PKD1: variants seen among roughly 807,000 people sequenced by gnomAD.
PKD1 encodes polycystin 1, transient receptor potential channel interacting.
Under a neutral mutation model 361.7 loss-of-function variants are expected in PKD1, and 81 were observed. That is an observed-to-expected ratio of 0.22 (90% confidence interval 0.19 to 0.27). The LOEUF (loss-of-function observed/expected upper bound fraction) is 0.27. Ranked by LOEUF, PKD1 falls within the 10% of genes least tolerant of loss-of-function variation. The pLI, the probability that PKD1 is intolerant of heterozygous loss-of-function variation, is 1.00. For synonymous variants in PKD1, 3,615 were observed against 2,818.3 expected (o/e 1.28, Z -8.95); for missense variants, 6,399 against 6,118.3 (o/e 1.05, Z -1.53).
At chr16:2,102,332 A>G in intron 25 of PKD1, 49 bp downstream of exon 25, 2 of 1,532,228 alleles carry the variant, frequency 1.3e-6, no homozygotes. Context: ...GAGCCCACCC[A>G]GGCCCTCCTC....
intron 42 of PKD1, 63 bp downstream of exon 42, chr16:2,091,360 G>T: frequency 2.3e-6 from 2 of 862,498 alleles, no homozygotes; most frequent in Non-Finnish European, 2.8e-6. Flanking sequence ...CCGGGGCGGG[G>T]CCCCGCGAGG....
Position 2,108,393 on chromosome 16 carries a change from G to A in PKD1, c.6774C>T (p.Pro2258=), listed in dbSNP as rs746119473. ...CGCGGTATGAGCCACCCTCAATGAT[G>A]GGCACCAGGCGCTCGGGGGCCACCG... ...NVTVAPERLV[P]IIEGGSYRVW... Residue 2258 remains proline (P), a synonymous_variant, in exon 15 of 46, where the codon CCC becomes CCT. Coordinates refer to ENST00000262304, the MANE Select transcript of PKD1 (RefSeq NM_001009944.3). 1.1e-5 allele frequency: 18 copies of A among 1,610,554 alleles called. No individual in the cohort carries two copies. Among genetic ancestry groups the A allele is most frequent in the Non-Finnish European group, 1.5e-5 (18 of 1,179,736 alleles).
chr16:2,090,648 C>G, intron 44 of PKD1, 26 bp downstream of exon 44: 3 of 1,610,532 alleles, frequency 1.9e-6, no homozygotes, highest in Non-Finnish European at 2.5e-6. Flanking sequence ...AGCTAAGACG[C>G]CCTCCCCGGC....
chr16:2,109,986 C>T lies in PKD1; in HGVS notation c.5181G>A (p.Pro1727=), dbSNP rs767210914. Reference sequence around the variant, plus strand: ...CGCTTGTGTTGACGGCAGCTGGGTTCGGGGAGGCGGCCACCATCAGCCACC... The same window carrying T: ...CGCTTGTGTTGACGGCAGCTGGGTTTGGGGAGGCGGCCACCATCAGCCACC... ...PVGWLMVAAS[P]NPAAVNTSVT... is the part of the protein sequence containing the mutation. Residue 1727 remains proline (P), a synonymous_variant, in exon 15 of 46, where the codon CCG becomes CCA. Coordinates refer to ENST00000262304, the MANE Select transcript of PKD1 (RefSeq NM_001009944.3). 8.7e-6 allele frequency: 14 copies of T among 1,609,762 alleles called. No individual in the cohort carries two copies. The highest frequency in any genetic ancestry group is 4.0e-5 in the African/African-American group (3 of 74,842).
In PKD1 at chr16:2,114,153, G is replaced by C. The variant is rs1184096488; in HGVS notation, c.2853+17C>G. 2 of 1,599,748 alleles carry C rather than the reference G, an allele frequency of 1.3e-6. No homozygotes were observed. The highest frequency in any genetic ancestry group is 1.7e-6 in the Non-Finnish European group (2 of 1,178,112). ...CACCTGCCTGGGGGCTGGTGGTGGA[G>C]CCTCGGCCATACTCACCACTAGGAC... is the stretch of plus-strand genomic sequence containing the variant. On this transcript the variant is annotated intron_variant, in intron 11 of 45. Coordinates refer to ENST00000262304, the MANE Select transcript of PKD1 (RefSeq NM_001009944.3).
In PKD1 at chr16:2,108,670, C is replaced by A. The variant is rs754882717; in HGVS notation, c.6497G>T (p.Arg2166Leu). Residue 2166 changes from arginine to leucine, a missense_variant, in exon 15 of 46, where the codon CGC (arginine) becomes CTC (leucine). Coordinates refer to ENST00000262304, the MANE Select transcript of PKD1 (RefSeq NM_001009944.3). ...PLQVLMRRSQRNYLEAHVDLR... is the reference protein window; with the variant it reads ...PLQVLMRRSQLNYLEAHVDLR... ...GTCAACGTGGGCCTCCAAGTAGTTG[C>A]GCTGTGATCGCCGCATCAGCACCTG... 1 of 1,565,490 alleles carries A rather than the reference C, an allele frequency of 6.4e-7. No homozygotes were observed. Among genetic ancestry groups the A allele is most frequent in the Admixed American group, 1.9e-5 (1 of 53,762 alleles).
chr16:2,089,850 G>C lies in PKD1; in HGVS notation c.12789C>G (p.Ser4263=), dbSNP rs767865002. 2 of 1,607,658 alleles carry C rather than the reference G, an allele frequency of 1.2e-6. No homozygotes were observed. The highest frequency in any genetic ancestry group is 1.7e-6 in the Non-Finnish European group (2 of 1,177,862). The change falls in exon 46 of 46, where the codon TCC becomes TCG. Residue 4263 remains serine (S), a synonymous_variant. Coordinates refer to ENST00000262304, the MANE Select transcript of PKD1 (RefSeq NM_001009944.3). Reference sequence around the variant, plus strand: ...TGGGCAGTGCTGGCCGCAGGCCCGGGGATGGGCCACGGGAAGATCCGGCGG... The same window carrying C: ...TGGGCAGTGCTGGCCGCAGGCCCGGCGATGGGCCACGGGAAGATCCGGCGG... ...RAPAGSSRGP[S]PGLRPALPSR...
rs376852054 is a variant in PKD1, at chr16:2,090,317, G to A, written c.12412C>T (p.Arg4138Cys). The change falls in exon 45 of 46, where the codon CGC becomes TGC. Residue 4138 changes from arginine (R) to cysteine (C), a missense_variant. Coordinates refer to ENST00000262304, the MANE Select transcript of PKD1 (RefSeq NM_001009944.3). ...EMVELFLRRL[R>C]LWMGLSKVKE... is the part of the protein sequence containing the mutation. ...ACCTTGCTGAGGCCCATCCAGAGGC[G>A]CAGCCTGCGCAGGAACAACTCCACC... The A allele has an allele frequency of 2.9e-5, 46 of 1,611,354 alleles. No homozygotes were observed. Among genetic ancestry groups the A allele is most frequent in the African/African-American group, 2.0e-4 (15 of 74,880 alleles).
At position 2,113,250 on chromosome 16, in the gene PKD1, G is replaced by A. The variant is rs746771378; in HGVS notation, c.2896C>T (p.Arg966Trp). Reference protein sequence around the residue: ...VVEAGSDMVFRWTINDKQSLT... With the variant: ...VVEAGSDMVFWWTINDKQSLT... Reference sequence around the variant, plus strand: ...GACTGCTTGTCGTTGATGGTCCACCGGAAGACCATGTCCGAGCCGGCCTCC... The same window carrying A: ...GACTGCTTGTCGTTGATGGTCCACCAGAAGACCATGTCCGAGCCGGCCTCC... Residue 966 changes from arginine to tryptophan, a missense_variant, in exon 12 of 46, where the codon CGG (arginine) becomes TGG (tryptophan). Transcript: ENST00000262304. 4.3e-5 allele frequency: 67 copies of A among 1,546,576 alleles called. No homozygotes were observed. In the African/African-American group the frequency reaches 4.8e-4, roughly 11 times the overall value.
rs201332946 is a variant in PKD1, at chr16:2,097,251, C to A, written c.10406-10G>T. On this transcript the variant is annotated splice_polypyrimidine_tract_variant and intron_variant, in intron 33 of 45. Coordinates refer to ENST00000262304, the MANE Select transcript of PKD1 (RefSeq NM_001009944.3). The stretch of plus-strand genomic sequence containing the variant: ...TGGATCAGGTCTTCATCTAGAGGTA[C>A]AGGAGGCATAGGGTGGGCCCAGCTG... 8 of 1,595,480 alleles carry A rather than the reference C, an allele frequency of 5.0e-6. No homozygotes were observed. The highest frequency in any genetic ancestry group is 5.1e-6 in the Non-Finnish European group (6 of 1,171,200).
chr16:2,088,801 G>A lies in PKD1; in HGVS notation c.*926C>T. The A allele has an allele frequency of 3.9e-6, 3 of 770,896 alleles. No individual in the cohort carries two copies. Among genetic ancestry groups the A allele is most frequent in the South Asian group, 1.8e-5 (1 of 54,456 alleles). The allele number at this position is 770,896 out of a possible 1,614,324, so 47.8% of individuals were successfully genotyped here. Reference sequence around the variant, plus strand: ...TAGAAGCGGCCATGCCCACAGAAGTGGTACACAGAAGCAGGCACAGCCAGC... The same window carrying A: ...TAGAAGCGGCCATGCCCACAGAAGTAGTACACAGAAGCAGGCACAGCCAGC... On this transcript the variant is annotated 3_prime_UTR_variant, in exon 46 of 46. Transcript: ENST00000262304.
At chr16:2,113,104 G>A (rs959149442) in intron 12 of PKD1, 57 bp downstream of exon 12, 6 of 770,302 alleles carry the variant, frequency 7.8e-6, no homozygotes, top group East Asian at 2.7e-5. Context: ...TGAAGGTGGA[G>A]CCCGCCCCCG....
Position 2,090,577 on chromosome 16 carries a change from C to G in PKD1, c.12152G>C (p.Cys4051Ser), listed in dbSNP as rs753457784. The G allele has an allele frequency of 6.2e-7, 1 of 1,608,966 alleles. No individual in the cohort carries two copies. The highest frequency in any genetic ancestry group is 2.2e-5 in the East Asian group (1 of 44,862). The change falls in exon 45 of 46, where the codon TGT (cysteine) becomes TCT (serine). Residue 4051 changes from cysteine to serine, a missense_variant. Coordinates refer to ENST00000262304, the MANE Select transcript of PKD1 (RefSeq NM_001009944.3). ...GGCCACGCTCCAGAGGGAGTCCACACAGGAAGACACGAGCTGCGGGGAAGG... is the reference window on the plus strand; with the variant it reads ...GGCCACGCTCCAGAGGGAGTCCACAGAGGAAGACACGAGCTGCGGGGAAGG... ...AQLAILLVSS[C>S]VDSLWSVAQA...
Position 2,110,000 on chromosome 16 carries a change from C to T in PKD1, c.5167G>A (p.Val1723Met). ...GCAGCTGGGTTCGGGGAGGCGGCCA[C>T]CATCAGCCACCCCACAGGCTCCACG... ...DFVEPVGWLM[V>M]AASPNPAAVN... is the part of the protein sequence containing the mutation. The change falls in exon 15 of 46, where the codon GTG becomes ATG. Residue 1723 changes from valine (V) to methionine (M), a missense_variant. Physicochemically the swap from Val to Met is conservative, Grantham distance 21. Transcript: ENST00000262304. The T allele has an allele frequency of 6.2e-7, 1 of 1,610,152 alleles. No individual in the cohort carries two copies. The highest frequency in any genetic ancestry group is 8.5e-7 in the Non-Finnish European group (1 of 1,179,492).
chr16:2,112,708 G>A lies in PKD1; in HGVS notation c.3161+80C>T, dbSNP rs534408340. The A allele has an allele frequency of 2.7e-6, 4 of 1,455,996 alleles. No individual in the cohort carries two copies. In the East Asian group the frequency reaches 9.3e-5, roughly 34 times the overall value. The allele number at this position is 1,455,996 out of a possible 1,614,324, so 90.2% of individuals were successfully genotyped here. ...CCGAGGCTCAGAAAAGCAACCCCGT[G>A]ATGTGGGGGTCCCTCGGCTGAGGCT... On this transcript the variant is annotated intron_variant, in intron 13 of 45. Transcript: ENST00000262304.
chr16:2,089,319 G>A lies in PKD1; in HGVS notation c.*408C>T, dbSNP rs181780746. The A allele has an allele frequency of 2.2e-5, 6 of 278,120 alleles. No homozygotes were observed. Among genetic ancestry groups the A allele is most frequent in the South Asian group, 6.0e-5 (1 of 16,548 alleles). 17.2% of individuals were successfully genotyped at this position (278,120 alleles called of 1,614,324 possible). Reference sequence around the variant, plus strand: ...CACAGTGAGACGGTGCAGGGAGTACGGTAGGAACTGGAGAGGTAATAACTT... The same window carrying A: ...CACAGTGAGACGGTGCAGGGAGTACAGTAGGAACTGGAGAGGTAATAACTT... On this transcript the variant is annotated 3_prime_UTR_variant, in exon 46 of 46. Coordinates refer to ENST00000262304, the MANE Select transcript of PKD1 (RefSeq NM_001009944.3).
At chr16:2,105,164 GGCTACTGAA>G (rs1240777127) in intron 21 of PKD1, among the ~76,000 whole-genome samples, 149 bp downstream of exon 21, 1 of 151,036 alleles carries the variant, frequency 6.6e-6, no homozygotes, top group Admixed American at 6.6e-5. Context: ...GAACGGCTGA[GGCTACTGAA>G]GCAGGTCAGA....
rs780617778 is a variant in PKD1, at chr16:2,090,824, C to A, written c.12004-16G>T. On this transcript the variant is annotated splice_polypyrimidine_tract_variant and intron_variant, in intron 43 of 45. Coordinates refer to ENST00000262304, the MANE Select transcript of PKD1 (RefSeq NM_001009944.3). The stretch of plus-strand genomic sequence containing the variant: ...GCTGGGCAGCCTGCGGACGAGAAAT[C>A]TGTCTGCTTGCAGCCCTGGGGTGTG... The A allele has an allele frequency of 1.2e-6, 2 of 1,611,950 alleles. No individual in the cohort carries two copies. The highest frequency in any genetic ancestry group is 1.7e-5 in the Admixed American group (1 of 60,030).
chr16:2,097,214 G>A lies in PKD1; in HGVS notation c.10433C>T (p.Ala3478Val). Residue 3478 changes from alanine to valine, a missense_variant, in exon 34 of 46, where the codon GCC (alanine) becomes GTC (valine). Transcript: ENST00000262304. Reference protein sequence around the residue: ...SDEDLIQQVLAEGVSSPAPTQ... With the variant: ...SDEDLIQQVLVEGVSSPAPTQ... ...AGGGGCTGGGCTGCTGACCCCCTCGGCAAGGACCTGCTGGATCAGGTCTTC... is the reference window on the plus strand; with the variant it reads ...AGGGGCTGGGCTGCTGACCCCCTCGACAAGGACCTGCTGGATCAGGTCTTC... 2 of 1,572,760 alleles carry A rather than the reference G, an allele frequency of 1.3e-6. No individual in the cohort carries two copies. Among genetic ancestry groups the A allele is most frequent in the African/African-American group, 1.3e-5 (1 of 74,078 alleles).
Sources: allele counts gnomAD v4.1 joint callset (sites outside exome capture counted in the v4.1 genomes callset), GRCh38; gene constraint gnomAD v4.1.1; transcripts MANE v1.5; gene names NCBI Gene and HGNC (gene_info 2026-07-23, HGNC 2026-07-21).